The following SCN7A variants were observed in gnomAD, a reference collection of about 807,000 sequenced individuals.
SCN7A encodes the protein sodium voltage-gated channel alpha subunit 7.
SCN7A carries 138 observed loss-of-function variants against 155.2 expected under a neutral mutation model. That is an observed-to-expected ratio of 0.89 (90% CI 0.77 to 1.02). The LOEUF (loss-of-function observed/expected upper bound fraction) is 1.02, where lower values mean the gene tolerates loss of function less well. Among genes scored for constraint, SCN7A ranks in the 50% least tolerant of loss-of-function variants. SCN7A has a pLI of 0.00. For synonymous variants in SCN7A, 693 were observed against 649.0 expected, an observed-to-expected ratio of 1.07 and a Z score of -1.03; for missense variants, 2,058 against 1,986.6, an observed-to-expected ratio of 1.04 and a Z score of -0.68.
intron 2 of SCN7A, among the ~76,000 whole-genome samples, chr2:166,483,725 G>A (rs887767780): frequency 6.6e-6 from 1 of 151,738 alleles, no homozygotes; most frequent in Non-Finnish European, 1.5e-5. Flanking sequence ...AAACTTTTTT[G>A]ATCATATAAA....
At position 166,436,933 on chromosome 2, in the gene SCN7A, C is replaced by T. The variant is rs142582042; in HGVS notation, c.2158-4181G>A. On this transcript the variant is annotated intron_variant, in intron 15 of 25. Transcript: ENST00000643258. Reference sequence around the variant, plus strand: ...TCTAAGTGGCAAAGTGTTCAAGAAGCAGAGCATAAAAATTTGTAAAATTTG... The same window carrying T: ...TCTAAGTGGCAAAGTGTTCAAGAAGTAGAGCATAAAAATTTGTAAAATTTG... Among the ~76,000 whole-genome samples, 1,231 of 152,186 alleles carry T rather than the reference C, an allele frequency of 8.1e-3. 21 individuals are homozygous for T. The highest frequency in any genetic ancestry group is 0.028 in the African/African-American group (1,176 of 41,538).
intron 17 of SCN7A, 101 bp from the exon 18 acceptor site, chr2:166,428,043 A>T (rs1367769072): frequency 1.7e-6 from 2 of 1,180,322 alleles, no homozygotes; most frequent in Non-Finnish European, 2.4e-6. Flanking sequence ...TTTATTTACA[A>T]ATTCTAATCC....
intron 11 of SCN7A, among the ~76,000 whole-genome samples, chr2:166,453,046 C>T (rs750272817): frequency 7.2e-5 from 11 of 152,144 alleles, no homozygotes; most frequent in East Asian, 5.8e-4. Flanking sequence ...CTATAATTAA[C>T]GAGTGATTAT....
intron 15 of SCN7A, among the ~76,000 whole-genome samples, chr2:166,433,942 A>G (rs957889661): frequency 6.6e-6 from 1 of 152,164 alleles, no homozygotes; most frequent in African/African-American, 2.4e-5. Context: ...ATCACTTAGA[A>G]GTATGATCAA....
intron 1 of SCN7A, among the ~76,000 whole-genome samples, chr2:166,492,797 A>T (rs1041099214): frequency 6.6e-6 from 1 of 152,230 alleles, no homozygotes; most frequent in African/African-American, 2.4e-5. Context: ...CACATATGGT[A>T]CTTTCATAAA....
At chr2:166,470,979 T>C (rs1426082780) in intron 6 of SCN7A, among the ~76,000 whole-genome samples, 1 of 151,902 alleles carries the variant, frequency 6.6e-6, no homozygotes, top group Non-Finnish European at 1.5e-5. Flanking sequence ...TTCTATACTA[T>C]GTTCATAAAT....
At chr2:166,462,140 C>G in intron 10 of SCN7A, 2 of 293,552 alleles carry the variant, frequency 6.8e-6, no homozygotes, top group East Asian at 5.6e-5. Context: ...ACTCTCTTCT[C>G]TCTCTCCTCT....
chr2:166,475,080 G>GTA (rs201255081), intron 3 of SCN7A, among the ~76,000 whole-genome samples: 2,831 of 85,758 alleles, frequency 0.033, 131 homozygotes, highest in East Asian at 0.14. Flanking sequence ...TTATATTTGT[G>GTA]TATATATATA....
At position 166,413,105 on chromosome 2, in the gene SCN7A, C is replaced by A; in HGVS notation, c.3431G>T (p.Trp1144Leu). The change falls in exon 22 of 26, where the codon TGG (tryptophan) becomes TTG (leucine). Residue 1144 changes from tryptophan to leucine, a missense_variant. Coordinates refer to ENST00000643258, the MANE Select transcript of SCN7A (RefSeq NM_002976.4). ...AATTGCTGAATTCATAATAGTGATC[C>A]ATCCATTAAATGTTGCCTGTAAAAA... ...SLLQVATFNGWITIMNSAIDS... is the reference protein window; with the variant it reads ...SLLQVATFNGLITIMNSAIDS... 6.5e-7 allele frequency: 1 copy of A among 1,528,400 alleles called. No individual in the cohort carries two copies. The highest frequency in any genetic ancestry group is 2.4e-5 in the East Asian group (1 of 42,550). 94.7% of individuals were successfully genotyped at this position (1,528,400 alleles called of 1,614,324 possible). A position where few individuals can be genotyped will look rare whatever the true frequency, so the allele number is the denominator to read the frequency against.
intron 24 of SCN7A, 101 bp downstream of exon 24, chr2:166,410,119 G>A: frequency 8.7e-7 from 1 of 1,151,564 alleles, no homozygotes; most frequent in Non-Finnish European, 1.2e-6. Context: ...GCTTTGTCAA[G>A]GGACACAAAA....
In SCN7A at chr2:166,404,548, AC is replaced by A. The variant is rs922759960; in HGVS notation, c.*1031del. 3 of 151,864 alleles carry A rather than the reference AC, an allele frequency of 2.0e-5. No individual in the cohort carries two copies. Among genetic ancestry groups the A allele is most frequent in the Non-Finnish European group, 4.4e-5 (3 of 67,884 alleles). The allele number at this position is 151,864 out of a possible 1,614,324, so 9.4% of individuals were successfully genotyped here. On this transcript the variant is annotated 3_prime_UTR_variant, in exon 26 of 26. Transcript: ENST00000643258. ...TCTCTCTAAGTTATAAAGAATTATA[AC>A]ATACAGTAAAAAGTACTTTAAAGTT...
intron 8 of SCN7A, 104 bp from the exon 9 acceptor site, chr2:166,465,635 T>C: frequency 2.4e-6 from 3 of 1,234,002 alleles, no homozygotes; most frequent in Non-Finnish European, 3.5e-6. Flanking sequence ...TTTCTGCAAT[T>C]GTGAAGAAAA....
Position 166,456,904 on chromosome 2 carries a change from C to T in SCN7A, c.1256G>A (p.Gly419Glu). Reference protein sequence around the residue: ...KKIEPKFQQTGKELQEGNETD... With the variant: ...KKIEPKFQQTEKELQEGNETD... ...TTCATTTCCTTCTTGAAGTTCTTTT[C>T]CAGTCTGTTGAAATTTTGGTTCAAT... The change falls in exon 11 of 26, where the codon GGA (glycine) becomes GAA (glutamate). Residue 419 changes from glycine to glutamate, a missense_variant. Coordinates refer to ENST00000643258, the MANE Select transcript of SCN7A (RefSeq NM_002976.4). 6.4e-7 allele frequency: 1 copy of T among 1,552,062 alleles called. No homozygotes were observed.
chr2:166,443,774 C>G (rs1392601942), intron 13 of SCN7A, 98 bp from the exon 14 acceptor site: 1 of 834,182 alleles, frequency 1.2e-6, no homozygotes, highest in African/African-American at 1.7e-5. Context: ...TTACTTGTCA[C>G]TCTCACATTC....
At chr2:166,474,581 C>A (rs1702738100) in intron 3 of SCN7A, among the ~76,000 whole-genome samples, 1 of 151,502 alleles carries the variant, frequency 6.6e-6, no homozygotes, top group Admixed American at 6.6e-5. Flanking sequence ...GCTACTGCTA[C>A]ACCCGAGAAA....
intron 2 of SCN7A, among the ~76,000 whole-genome samples, chr2:166,480,980 C>T (rs541926600): frequency 1.3e-4 from 20 of 152,228 alleles, no homozygotes; most frequent in Non-Finnish European, 2.1e-4. Flanking sequence ...AGAAAAAATA[C>T]GTGCTAGATA....
At chr2:166,430,843 G>C (rs1701718993) in intron 16 of SCN7A, among the ~76,000 whole-genome samples, 1 of 151,876 alleles carries the variant, frequency 6.6e-6, no homozygotes, top group Non-Finnish European at 1.5e-5. Context: ...TAATATTTTT[G>C]TGTTTTATTT....
chr2:166,475,412 GACT>G (rs1338764252), intron 3 of SCN7A, among the ~76,000 whole-genome samples: 3 of 150,620 alleles, frequency 2.0e-5, no homozygotes, highest in Admixed American at 1.3e-4. Context: ...CAGAAAAATA[GACT>G]ACTTAGTACA....
intron 2 of SCN7A, among the ~76,000 whole-genome samples, chr2:166,478,967 C>A (rs1702861314): frequency 6.6e-6 from 1 of 152,036 alleles, no homozygotes; most frequent in Admixed American, 6.6e-5. Flanking sequence ...AAAATTTACT[C>A]TTCCAATGAT....
Sources: allele counts gnomAD v4.1 joint callset (sites outside exome capture counted in the v4.1 genomes callset), GRCh38; gene constraint gnomAD v4.1.1; transcripts MANE v1.5; gene names NCBI Gene and HGNC (gene_info 2026-07-23, HGNC 2026-07-21).